FUT9: variants seen among roughly 807,000 people sequenced by gnomAD.
FUT9 encodes fucosyltransferase 9.
In FUT9, 15 loss-of-function variants were observed where a neutral mutation model predicts 29.7. That is an observed-to-expected ratio of 0.51 (90% CI 0.34 to 0.78). The LOEUF (loss-of-function observed/expected upper bound fraction) is 0.78, where lower values mean the gene tolerates loss of function less well. FUT9 is among the 30% of genes least tolerant of loss of function. The pLI is 0.01. For synonymous variants in FUT9, 169 were observed against 153.7 expected (o/e 1.10, Z -0.74); for missense variants, 319 against 425.4 (o/e 0.75, Z 2.20).
intron 1 of FUT9, among the ~76,000 whole-genome samples, chr6:96,051,827 T>A (rs1308007261): frequency 6.6e-6 from 1 of 152,058 alleles, no homozygotes; most frequent in Non-Finnish European, 1.5e-5. Flanking sequence ...AATACATGAT[T>A]AAATACAAGG....
chr6:96,072,673 C>T (rs933352298), intron 1 of FUT9, among the ~76,000 whole-genome samples: 2 of 151,900 alleles, frequency 1.3e-5, no homozygotes, highest in Admixed American at 1.3e-4. Context: ...AAAAAGGCAA[C>T]TTTTTTTTCT....
intron 1 of FUT9, among the ~76,000 whole-genome samples, chr6:96,074,145 A>C (rs918253298): frequency 1.3e-5 from 2 of 152,196 alleles, no homozygotes; most frequent in Admixed American, 6.5e-5. Context: ...GGTTTTTAAC[A>C]TAAAATTTGT....
rs1218355896 is a variant in FUT9, at chr6:96,068,346, G to A, written c.-97-45693G>A. Among the ~76,000 whole-genome samples the A allele has an allele frequency of 4.6e-5, 7 of 152,268 alleles. No homozygotes were observed. In the East Asian group the frequency reaches 1.4e-3, roughly 29 times the overall value. Reference sequence around the variant, plus strand: ...AAGGAATGAGTAGAAGATGGTCCTCGTAGTAGTCTGAAGATCAGAGATATA... The same window carrying A: ...AAGGAATGAGTAGAAGATGGTCCTCATAGTAGTCTGAAGATCAGAGATATA... On this transcript the variant is annotated intron_variant, in intron 1 of 2. Coordinates refer to ENST00000302103, the MANE Select transcript of FUT9 (RefSeq NM_006581.4).
At chr6:96,074,388 AT>A (rs1324787424) in intron 1 of FUT9, among the ~76,000 whole-genome samples, 1 of 152,200 alleles carries the variant, frequency 6.6e-6, no homozygotes. Flanking sequence ...AATGAAAGTA[AT>A]ATTGAGTTTG....
intron 1 of FUT9, among the ~76,000 whole-genome samples, chr6:96,102,336 T>TAA (rs908946330): frequency 1.3e-5 from 2 of 149,430 alleles, no homozygotes; most frequent in African/African-American, 4.9e-5. Context: ...TACCTGAGTT[T>TAA]AAAAAAAAAA....
chr6:96,064,437 A>T (rs1770928309), intron 1 of FUT9, among the ~76,000 whole-genome samples: 1 of 152,126 alleles, frequency 6.6e-6, no homozygotes, highest in Non-Finnish European at 1.5e-5. Flanking sequence ...ACTGACTTGC[A>T]GGTGCATAGT....
intron 1 of FUT9, among the ~76,000 whole-genome samples, chr6:96,045,607 T>A (rs768043990): frequency 1.3e-5 from 2 of 152,148 alleles, no homozygotes; most frequent in African/African-American, 2.4e-5. Flanking sequence ...CAAATACTAT[T>A]GAAATTTGAC....
At chr6:96,200,864 A>T (rs577983065) in intron 2 of FUT9, among the ~76,000 whole-genome samples, 4 of 152,244 alleles carry the variant, frequency 2.6e-5, no homozygotes, top group African/African-American at 9.6e-5. Flanking sequence ...ACTTAGGATC[A>T]AATGCAACTA....
intron 2 of FUT9, among the ~76,000 whole-genome samples, chr6:96,181,393 T>C (rs1012423438): frequency 2.0e-5 from 3 of 151,912 alleles, no homozygotes; most frequent in African/African-American, 7.2e-5. Context: ...TAGGAAGCAT[T>C]TATGTTATAA....
intron 1 of FUT9, among the ~76,000 whole-genome samples, chr6:96,104,924 C>A (rs1276588484): frequency 6.6e-6 from 1 of 152,130 alleles, no homozygotes; most frequent in Non-Finnish European, 1.5e-5. Context: ...TTCCAAAATA[C>A]ATTCTAAGTG....
chr6:96,201,015 A>G (rs1773717826), intron 2 of FUT9, among the ~76,000 whole-genome samples: 1 of 151,940 alleles, frequency 6.6e-6, no homozygotes, highest in African/African-American at 2.4e-5. Flanking sequence ...TGCTTGGGTA[A>G]CAAGATTATA....
At chr6:96,118,465 A>G (rs1042752559) in intron 2 of FUT9, among the ~76,000 whole-genome samples, 9 of 152,224 alleles carry the variant, frequency 5.9e-5, no homozygotes, top group African/African-American at 2.2e-4. Context: ...AGAACTTAGT[A>G]GCACACAACT....
At chr6:96,084,902 T>C (rs1322206819) in intron 1 of FUT9, among the ~76,000 whole-genome samples, 3 of 152,124 alleles carry the variant, frequency 2.0e-5, no homozygotes, top group Non-Finnish European at 4.4e-5. Flanking sequence ...TGTGTGTCTA[T>C]TATTTAATTA....
chr6:96,103,745 T>C (rs1379472643), intron 1 of FUT9, among the ~76,000 whole-genome samples: 1 of 152,228 alleles, frequency 6.6e-6, no homozygotes, highest in Non-Finnish European at 1.5e-5. Flanking sequence ...AGTGTGATTT[T>C]CATCTTTTTC....
chr6:96,043,138 G>C (rs561179107), intron 1 of FUT9, among the ~76,000 whole-genome samples: 4 of 152,174 alleles, frequency 2.6e-5, no homozygotes, highest in Non-Finnish European at 5.9e-5. Flanking sequence ...TGCAAGCTCC[G>C]CCTCCCGGGT....
intron 2 of FUT9, among the ~76,000 whole-genome samples, chr6:96,139,380 T>A (rs1451955666): frequency 6.6e-6 from 1 of 152,198 alleles, no homozygotes; most frequent in East Asian, 1.9e-4. Context: ...CCTGGCTGTT[T>A]TCATGCTCTG....
At chr6:96,097,744 A>G (rs1771525077) in intron 1 of FUT9, among the ~76,000 whole-genome samples, 2 of 152,132 alleles carry the variant, frequency 1.3e-5, no homozygotes, top group African/African-American at 2.4e-5. Context: ...ATACGGCTCA[A>G]ATTTCCTCCT....
chr6:96,169,430 A>G (rs1773072173), intron 2 of FUT9, among the ~76,000 whole-genome samples: 1 of 152,210 alleles, frequency 6.6e-6, no homozygotes, highest in Admixed American at 6.5e-5. Context: ...AATCTCAGGT[A>G]TAAGTTAAAT....
At chr6:96,156,919 A>G (rs1280288501) in intron 2 of FUT9, among the ~76,000 whole-genome samples, 1 of 152,270 alleles carries the variant, frequency 6.6e-6, no homozygotes, top group African/African-American at 2.4e-5. Context: ...CATAAAAAAC[A>G]GAAGCATGTT....
Sources: gnomAD v4.1 joint callset for allele counts (sites outside exome capture counted in the v4.1 genomes callset) on GRCh38, gnomAD v4.1.1 for gene constraint, MANE v1.5 for transcripts, NCBI Gene and HGNC (gene_info 2026-07-23, HGNC 2026-07-21) for gene names.